EPN1: variants seen among roughly 807,000 people sequenced by gnomAD.
EPN1 encodes epsin-1.
In EPN1, 25 loss-of-function variants were observed where a neutral mutation model predicts 56.9. The observed-to-expected ratio is 0.44, with a 90% CI of 0.32 to 0.61. EPN1 has a LOEUF of 0.61. Among genes scored for constraint, EPN1 ranks in the 20% least tolerant of loss-of-function variants. The pLI is 0.05. For missense variants in EPN1, 785 were observed against 823.7 expected, an observed-to-expected ratio of 0.95 and a Z score of 0.58; for synonymous variants, 411 against 361.8, an observed-to-expected ratio of 1.14 and a Z score of -1.54.
intron 2 of EPN1, 61 bp downstream of exon 2, chr19:55,678,916 C>T (rs527417241): frequency 1.4e-5 from 17 of 1,207,764 alleles, no homozygotes; most frequent in African/African-American, 4.5e-5. Flanking sequence ...GACAGGAGCC[C>T]GTGTTGTGCA....
Position 55,689,716 on chromosome 19 carries a change from C to T in EPN1, c.679-151C>T, listed in dbSNP as rs570650964. On this transcript the variant is annotated intron_variant, in intron 5 of 10. Coordinates refer to ENST00000270460, the MANE Select transcript of EPN1 (RefSeq NM_001130072.2). This position sits in a 1 kb window ranked among gnomAD's most constrained non-coding sequence, Gnocchi z 5.7. Reference sequence around the variant, plus strand: ...CCGCCTGACCTTTGACCCAGGTGCCCCATCCCCATTTCATACATTGTCCGC... The same window carrying T: ...CCGCCTGACCTTTGACCCAGGTGCCTCATCCCCATTTCATACATTGTCCGC... 9 of 763,772 alleles carry T rather than the reference C, an allele frequency of 1.2e-5. No individual in the cohort carries two copies. Among genetic ancestry groups the T allele is most frequent in the East Asian group, 2.7e-5 (1 of 37,442 alleles). The allele number at this position is 763,772 out of a possible 1,614,324, so 47.3% of individuals were successfully genotyped here. A position where few individuals can be genotyped will look rare whatever the true frequency, so the allele number is the denominator to read the frequency against.
In EPN1 at chr19:55,691,767, A is replaced by G; in HGVS notation, c.776A>G (p.Asp259Gly). Residue 259 changes from aspartate (D) to glycine (G), a missense_variant, in exon 7 of 11, where the codon GAC becomes GGC. Coordinates refer to ENST00000270460, the MANE Select transcript of EPN1 (RefSeq NM_001130072.2). This position sits in a 1 kb window ranked among gnomAD's most constrained non-coding sequence, Gnocchi z 5.6. Reference protein sequence around the residue: ...TGGKEESSLMDLADVFTAPAP... With the variant: ...TGGKEESSLMGLADVFTAPAP... ...TCTCCCCCACAGTCGTCCCTCATGGACCTTGCTGACGTCTTCACGGCCCCA... is the reference window on the plus strand; with the variant it reads ...TCTCCCCCACAGTCGTCCCTCATGGGCCTTGCTGACGTCTTCACGGCCCCA... The G allele has an allele frequency of 6.2e-7, 1 of 1,611,926 alleles. No individual in the cohort carries two copies. The highest frequency in any genetic ancestry group is 8.5e-7 in the Non-Finnish European group (1 of 1,178,968).
At position 55,700,702 on chromosome 19, in the gene EPN1, T is replaced by C. The variant is rs1000680695; in HGVS notation, c.*5346T>C. ...TCCTGTTTCACCTACAGCCTCCTCATGGCCCCTCCCCTGGAGCACTTAAAA... is the reference window on the plus strand; with the variant it reads ...TCCTGTTTCACCTACAGCCTCCTCACGGCCCCTCCCCTGGAGCACTTAAAA... On this transcript the variant is annotated 3_prime_UTR_variant, in exon 11 of 11. Transcript: ENST00000270460. 1.3e-5 allele frequency: 2 copies of C among 152,274 alleles called. No homozygotes were observed. Among genetic ancestry groups the C allele is most frequent in the African/African-American group, 2.4e-5 (1 of 41,470 alleles). 9.4% of individuals were successfully genotyped at this position (152,274 alleles called of 1,614,324 possible).
chr19:55,684,627 C>T (rs1986040997), intron 2 of EPN1, among the ~76,000 whole-genome samples: 1 of 152,200 alleles, frequency 6.6e-6, no homozygotes, highest in African/African-American at 2.4e-5. Flanking sequence ...CCCGGGCCTA[C>T]ACAGGCCCTT....
chr19:55,694,661 C>T lies in EPN1; in HGVS notation c.1265-65C>T, dbSNP rs1472071704. ...GAAGCGCCCCCTATGATGGCCTATACTGCTCCCGGGTTGGAGCCTCACTGC... is the reference window on the plus strand; with the variant it reads ...GAAGCGCCCCCTATGATGGCCTATATTGCTCCCGGGTTGGAGCCTCACTGC... On this transcript the variant is annotated intron_variant, in intron 9 of 10. Transcript: ENST00000270460. The surrounding 1 kb of genome is among the most constrained non-coding windows in gnomAD (Gnocchi z 4.2). 1 of 1,503,376 alleles carries T rather than the reference C, an allele frequency of 6.7e-7. No homozygotes were observed. Among genetic ancestry groups the T allele is most frequent in the African/African-American group, 1.4e-5 (1 of 71,640 alleles). 93.1% of individuals were successfully genotyped at this position (1,503,376 alleles called of 1,614,324 possible). A position where few individuals can be genotyped will look rare whatever the true frequency, so the allele number is the denominator to read the frequency against.
At chr19:55,687,491 G>C (rs111462505) in intron 3 of EPN1, among the ~76,000 whole-genome samples, 7 of 152,124 alleles carry the variant, frequency 4.6e-5, no homozygotes, top group Non-Finnish European at 1.0e-4. Context: ...GCCACCACCA[G>C]GCTGGGGGGT....
rs1010793737 is a variant in EPN1, at chr19:55,685,707, G to A, written c.478+62G>A. The A allele has an allele frequency of 1.0e-5, 16 of 1,530,164 alleles. No homozygotes were observed. The African/African-American group carries it at 1.2e-4, about 12-fold the overall frequency. The allele number at this position is 1,530,164 out of a possible 1,614,324, so 94.8% of individuals were successfully genotyped here. On this transcript the variant is annotated intron_variant, in intron 3 of 10. Coordinates refer to ENST00000270460, the MANE Select transcript of EPN1 (RefSeq NM_001130072.2). ...CTGTCCTCCGCCTACTGCGGCTCCC[G>A]GCACCCGGCCGCCCACTGCTTTCTC...
At position 55,709,311 on chromosome 19, in the gene EPN1, C is replaced by T. The variant is rs367958295; in HGVS notation, c.*13955C>T. The T allele has an allele frequency of 1.8e-5, 4 of 224,402 alleles. No individual in the cohort carries two copies. In the South Asian group the frequency reaches 4.6e-4, roughly 26 times the overall value. 13.9% of individuals were successfully genotyped at this position (224,402 alleles called of 1,614,324 possible). On this transcript the variant is annotated 3_prime_UTR_variant, in exon 11 of 11. Transcript: ENST00000270460. ...TGAATTTAAGTTAAAAAGAAAAACA[C>T]AGGATAACTTCCATTCATCTGATGT... is the stretch of plus-strand genomic sequence containing the variant.
intron 3 of EPN1, among the ~76,000 whole-genome samples, chr19:55,688,366 G>C (rs111487236): frequency 5.9e-5 from 9 of 152,014 alleles, no homozygotes; most frequent in Non-Finnish European, 8.8e-5. Flanking sequence ...AGGGCTCCTC[G>C]CTAGCCCACT....
chr19:55,684,004 G>A (rs1171476461), intron 2 of EPN1, among the ~76,000 whole-genome samples: 1 of 152,234 alleles, frequency 6.6e-6, no homozygotes, highest in Non-Finnish European at 1.5e-5. Context: ...GGCCCCAGGA[G>A]TTGTGGACCT....
At chr19:55,687,306 G>A (rs1024641261) in intron 3 of EPN1, among the ~76,000 whole-genome samples, 23 of 152,130 alleles carry the variant, frequency 1.5e-4, no homozygotes, top group African/African-American at 5.3e-4. Flanking sequence ...GAGGATGGGG[G>A]CAGCTAGGGA....
rs1178920042 is a variant in EPN1, at chr19:55,692,588, T to G, written c.1067-98T>G. The G allele has an allele frequency of 5.1e-6, 4 of 782,754 alleles. No homozygotes were observed. In the Admixed American group the frequency reaches 1.3e-4, roughly 25 times the overall value. The allele number at this position is 782,754 out of a possible 1,614,324, so 48.5% of individuals were successfully genotyped here. ...GTGGGTTTCTGGGGGGCAGGGGGGC[T>G]TTTGTGTGAACAGCCACAGATTTGG... On this transcript the variant is annotated intron_variant, in intron 7 of 10. Coordinates refer to ENST00000270460, the MANE Select transcript of EPN1 (RefSeq NM_001130072.2).
At position 55,678,041 on chromosome 19, in the gene EPN1, G is replaced by C. The variant is rs576405980; in HGVS notation, c.-101-486G>C. ...GACTGAGTTTACTGATGAGGCCCCA[G>C]GGATAGGTGACTGTGATGTTTGGGT... is the stretch of plus-strand genomic sequence containing the variant. On this transcript the variant is annotated intron_variant, in intron 1 of 10. Coordinates refer to ENST00000270460, the MANE Select transcript of EPN1 (RefSeq NM_001130072.2). Among the ~76,000 whole-genome samples the C allele has an allele frequency of 2.3e-4, 35 of 152,260 alleles. No individual in the cohort carries two copies. In the South Asian group the frequency reaches 6.2e-3, roughly 27 times the overall value.
rs925141587 is a variant in EPN1 at position 55,677,820 on chromosome 19, C to T, written c.-101-707C>T. 18 of 1,409,404 alleles carry T rather than the reference C, an allele frequency of 1.3e-5. No homozygotes were observed. In the African/African-American group the frequency reaches 2.3e-4, roughly 18 times the overall value. 87.3% of individuals were successfully genotyped at this position (1,409,404 alleles called of 1,614,324 possible). A position where few individuals can be genotyped will look rare whatever the true frequency, so the allele number is the denominator to read the frequency against. ...CCTTGTTTCTGCTGTGGATTCCTGC[C>T]CCCTCTGCCCTTGTTCCAGAGGTCT... On this transcript the variant is annotated intron_variant, in intron 1 of 10. Coordinates refer to ENST00000270460, the MANE Select transcript of EPN1 (RefSeq NM_001130072.2).
In EPN1 at chr19:55,689,434, C is replaced by T; in HGVS notation, c.678+63C>T. On this transcript the variant is annotated intron_variant, in intron 5 of 10. Coordinates refer to ENST00000270460, the MANE Select transcript of EPN1 (RefSeq NM_001130072.2). This position sits in a 1 kb window ranked among gnomAD's most constrained non-coding sequence, Gnocchi z 5.7. Reference sequence around the variant, plus strand: ...CTCCCCTCAGACCAGCCCCGTCGCCCCTTCCTAAGTCACCCCCCACCATCC... The same window carrying T: ...CTCCCCTCAGACCAGCCCCGTCGCCTCTTCCTAAGTCACCCCCCACCATCC... The T allele has an allele frequency of 7.6e-7, 1 of 1,309,064 alleles. No individual in the cohort carries two copies. Among genetic ancestry groups the T allele is most frequent in the South Asian group, 1.3e-5 (1 of 79,368 alleles). 81.1% of individuals were successfully genotyped at this position (1,309,064 alleles called of 1,614,324 possible). A position where few individuals can be genotyped will look rare whatever the true frequency, so the allele number is the denominator to read the frequency against.
chr19:55,677,124 T>C (rs1985490086), intron 1 of EPN1: 5 of 1,550,718 alleles, frequency 3.2e-6, no homozygotes, highest in Non-Finnish European at 4.4e-6. Context: ...GCTTACATCA[T>C]GGCGGGGCTT....
rs952938864 is a variant in EPN1, at chr19:55,708,724, G to A, written c.*13368G>A. ...TCTAAAGACAAGGGGATATAGGACC[G>A]AGGCAAAGACAATCAGCATGTACAC... On this transcript the variant is annotated 3_prime_UTR_variant, in exon 11 of 11. Transcript: ENST00000270460. 6 of 449,706 alleles carry A rather than the reference G, an allele frequency of 1.3e-5. No homozygotes were observed. Among genetic ancestry groups the A allele is most frequent in the Middle Eastern group, 6.1e-4 (1 of 1,652 alleles). The allele number at this position is 449,706 out of a possible 1,614,324, so 27.9% of individuals were successfully genotyped here.
chr19:55,709,050 A>AAC lies in EPN1; in HGVS notation c.*13695_*13696insCA. On this transcript the variant is annotated 3_prime_UTR_variant, in exon 11 of 11. Transcript: ENST00000270460. ...CAAAGCCAGATTTGTGCAGCCTGGG[A>AAC]AAATAGAAATAAAGTTTTTTTTTTT... 6.4e-7 allele frequency: 1 copy of AAC among 1,556,492 alleles called. No individual in the cohort carries two copies. The highest frequency in any genetic ancestry group is 8.6e-7 in the Non-Finnish European group (1 of 1,161,876).
At position 55,700,225 on chromosome 19, in the gene EPN1, T is replaced by G. The variant is rs1294585935; in HGVS notation, c.*4869T>G. 6.7e-6 allele frequency: 1 copy of G among 150,148 alleles called. No individual in the cohort carries two copies. Among genetic ancestry groups the G allele is most frequent in the Non-Finnish European group, 1.5e-5 (1 of 67,982 alleles). 9.3% of individuals were successfully genotyped at this position (150,148 alleles called of 1,614,324 possible). On this transcript the variant is annotated 3_prime_UTR_variant, in exon 11 of 11. Transcript: ENST00000270460. ...GGCTTGAGCCACTGTGCCCGGCCCA[T>G]AAAGCACTATTTAATGACTGCTCCA...
Sources: gnomAD v4.1 joint callset for allele counts (sites outside exome capture counted in the v4.1 genomes callset) on GRCh38, gnomAD v4.1.1 for gene constraint, Gnocchi (gnomAD v3.1) non-coding constraint, MANE v1.5 for transcripts, NCBI Gene and HGNC (gene_info 2026-07-23, HGNC 2026-07-21) for gene names.